The following MARCHF1 variants were observed in gnomAD, a reference collection of about 807,000 sequenced individuals.
The protein encoded by MARCHF1 is E3 ubiquitin-protein ligase MARCHF1.
Under a neutral mutation model 54.2 loss-of-function variants are expected in MARCHF1, and 40 were observed. That is an observed-to-expected ratio of 0.74 (90% CI 0.57 to 0.96). The LOEUF is 0.96. Ranked by LOEUF, MARCHF1 falls within the 40% of genes least tolerant of loss-of-function variation. The pLI, the probability that MARCHF1 is intolerant of heterozygous loss-of-function variation, is 0.00. For synonymous variants in MARCHF1, 236 were observed against 236.3 expected, an observed-to-expected ratio of 1.00 and a Z score of 0.01; for missense variants, 586 against 656.5, an observed-to-expected ratio of 0.89 and a Z score of 1.17.
At chr4:164,360,289 G>A (rs1405126751) in intron 1 of MARCHF1, among the ~76,000 whole-genome samples, 1 of 152,072 alleles carries the variant, frequency 6.6e-6, no homozygotes, top group Non-Finnish European at 1.5e-5. Flanking sequence ...AGGTTTCCCA[G>A]GTACAGTGGT....
At chr4:163,959,401 C>T (rs555147408) in intron 3 of MARCHF1, among the ~76,000 whole-genome samples, 1 of 151,616 alleles carries the variant, frequency 6.6e-6, no homozygotes, top group Non-Finnish European at 1.5e-5. Flanking sequence ...ATAGTGATAC[C>T]CATCTTCAAA....
chr4:164,226,096 C>T (rs1001805214), intron 1 of MARCHF1, among the ~76,000 whole-genome samples: 1 of 151,794 alleles, frequency 6.6e-6, no homozygotes, highest in Non-Finnish European at 1.5e-5. Flanking sequence ...TTCTCGTATT[C>T]TCCTTGGAGA....
At chr4:164,050,149 C>T (rs1434944863) in intron 2 of MARCHF1, among the ~76,000 whole-genome samples, 2 of 151,642 alleles carry the variant, frequency 1.3e-5, no homozygotes, top group Non-Finnish European at 2.9e-5. Flanking sequence ...ATGGTGGGTG[C>T]CTGTATTCCC....
At chr4:163,579,687 G>A (rs537848273) in intron 8 of MARCHF1, among the ~76,000 whole-genome samples, 61 of 152,256 alleles carry the variant, frequency 4.0e-4, no homozygotes, top group Non-Finnish European at 7.5e-4. Flanking sequence ...GAATGAATAT[G>A]CATTGTGAAT....
intron 1 of MARCHF1, among the ~76,000 whole-genome samples, chr4:164,219,186 T>C (rs1193874988): frequency 1.3e-5 from 2 of 151,560 alleles, no homozygotes; most frequent in Admixed American, 1.3e-4. Flanking sequence ...CTGAAGAATA[T>C]TGTTATTATT....
intron 7 of MARCHF1, among the ~76,000 whole-genome samples, chr4:163,603,192 A>G (rs1269376657): frequency 1.3e-5 from 2 of 152,140 alleles, no homozygotes; most frequent in Non-Finnish European, 2.9e-5. Flanking sequence ...ATAAATGTTG[A>G]GAGCAAAGCT....
At chr4:164,303,180 G>C (rs1192298779) in intron 1 of MARCHF1, among the ~76,000 whole-genome samples, 1 of 152,150 alleles carries the variant, frequency 6.6e-6, no homozygotes, top group Non-Finnish European at 1.5e-5. Context: ...AACATCCACA[G>C]TTTCTGCTAC....
intron 1 of MARCHF1, among the ~76,000 whole-genome samples, chr4:164,346,592 G>A (rs1730105247): frequency 2.4e-5 from 1 of 41,790 alleles, no homozygotes; most frequent in African/African-American, 7.1e-5. Flanking sequence ...CCTCAAACCT[G>A]TATGTATGTA....
At chr4:163,965,874 C>A (rs1187974573) in intron 3 of MARCHF1, among the ~76,000 whole-genome samples, 3 of 151,990 alleles carry the variant, frequency 2.0e-5, no homozygotes, top group African/African-American at 7.2e-5. Context: ...ATACTTGATA[C>A]CTAAGAATAG....
chr4:164,077,713 G>A (rs554013257), intron 2 of MARCHF1, among the ~76,000 whole-genome samples: 2 of 152,284 alleles, frequency 1.3e-5, no homozygotes, highest in African/African-American at 2.4e-5. Flanking sequence ...ATCAAAAAGT[G>A]GGTGAAGGAT....
chr4:163,879,607 TAC>T (rs1186054175), intron 3 of MARCHF1, among the ~76,000 whole-genome samples: 1 of 152,154 alleles, frequency 6.6e-6, no homozygotes, highest in Non-Finnish European at 1.5e-5. Context: ...GTGTGTTACA[TAC>T]ACACTAATGC....
intron 2 of MARCHF1, among the ~76,000 whole-genome samples, chr4:164,072,771 G>A (rs1041761290): frequency 7.3e-5 from 11 of 151,332 alleles, no homozygotes; most frequent in Non-Finnish European, 1.5e-4. Context: ...AAACACTGAT[G>A]GATGAAGACA....
rs1731080761 is a variant in MARCHF1 at position 164,189,958 on chromosome 4, A to T, written c.-322-78296T>A. 2.0e-6 allele frequency: 3 copies of T among 1,534,798 alleles called. No individual in the cohort carries two copies. In the Admixed American group the frequency reaches 5.0e-5, roughly 26 times the overall value. On this transcript the variant is annotated intron_variant, in intron 1 of 9. Transcript: ENST00000514618. ...AAAAATAAGATCACAATTACCAATGACCAGAATCACCTGACACCTGAAGAA... is the reference window on the plus strand; with the variant it reads ...AAAAATAAGATCACAATTACCAATGTCCAGAATCACCTGACACCTGAAGAA...
chr4:164,370,211 T>G (rs1305925182), intron 1 of MARCHF1, among the ~76,000 whole-genome samples: 1 of 152,164 alleles, frequency 6.6e-6, no homozygotes, highest in Non-Finnish European at 1.5e-5. Context: ...GGAAGAAAGA[T>G]ATCACATCCA....
At chr4:164,081,962 A>G (rs1251316579) in intron 2 of MARCHF1, among the ~76,000 whole-genome samples, 2 of 152,140 alleles carry the variant, frequency 1.3e-5, no homozygotes, top group Non-Finnish European at 2.9e-5. Context: ...GTGCTAATAA[A>G]CTGTCTCACA....
intron 5 of MARCHF1, among the ~76,000 whole-genome samples, chr4:163,681,614 G>A (rs927951018): frequency 3.9e-5 from 6 of 152,148 alleles, no homozygotes; most frequent in African/African-American, 1.4e-4. Context: ...TTTATAAGGG[G>A]CTTTTCCCCT....
intron 5 of MARCHF1, among the ~76,000 whole-genome samples, chr4:163,616,738 A>AC (rs1560976472): frequency 3.3e-5 from 5 of 149,568 alleles, no homozygotes; most frequent in African/African-American, 1.0e-4. Context: ...CACACACACA[A>AC]AAGTAACAAA....
chr4:164,148,220 G>A (rs1204235291), intron 1 of MARCHF1, among the ~76,000 whole-genome samples: 3 of 151,590 alleles, frequency 2.0e-5, no homozygotes, highest in African/African-American at 7.3e-5. Flanking sequence ...AAAGATATTG[G>A]AACTACAACT....
At chr4:163,598,124 TGA>T (rs1740833493) in intron 7 of MARCHF1, among the ~76,000 whole-genome samples, 1 of 152,214 alleles carries the variant, frequency 6.6e-6, no homozygotes, top group South Asian at 2.1e-4. Flanking sequence ...TTTAGGTATG[TGA>T]GATTCTGCTG....
Sources: allele counts gnomAD v4.1 joint callset (sites outside exome capture counted in the v4.1 genomes callset), GRCh38; gene constraint gnomAD v4.1.1; transcripts MANE v1.5; gene names NCBI Gene and HGNC (gene_info 2026-07-23, HGNC 2026-07-21).